Variants in PIEZO2 observed in about 807,000 individuals in gnomAD.
The protein encoded by PIEZO2 is piezo type mechanosensitive ion channel component 2.
PIEZO2 carries 172 observed loss-of-function variants against 337.3 expected under a neutral mutation model. The observed-to-expected ratio is 0.51, with a 90% confidence interval of 0.45 to 0.58. The LOEUF is 0.58. Ranked by LOEUF, PIEZO2 falls within the 20% of genes least tolerant of loss-of-function variation. PIEZO2 has a pLI of 0.00. For synonymous variants in PIEZO2, 1,251 were observed against 1,228.5 expected, an observed-to-expected ratio of 1.02 and a Z score of -0.38; for missense variants, 3,028 against 3,391.3, an observed-to-expected ratio of 0.89 and a Z score of 2.66.
intron 47 of PIEZO2, among the ~76,000 whole-genome samples, chr18:10,694,449 T>C (rs2034995578): frequency 6.6e-6 from 1 of 152,226 alleles, no homozygotes; most frequent in African/African-American, 2.4e-5. Flanking sequence ...TCATAAGACT[T>C]GGCTACAAAT....
Position 10,758,062 on chromosome 18 carries a change from C to A in PIEZO2, c.3830G>T (p.Arg1277Leu), listed in dbSNP as rs775635798. The change falls in exon 27 of 56, where the codon CGA becomes CTA. Residue 1277 changes from arginine (R) to leucine (L), a missense_variant. Arg to Leu is a moderately radical substitution (Grantham distance 102). Coordinates refer to ENST00000674853, the MANE Select transcript of PIEZO2 (RefSeq NM_001378183.1). ...CTCGACATTGTCACCTGCCATGATT[C>A]GCACTGCAGCCTTGTTCTCATCCTC... Reference protein sequence around the residue: ...IFEDENKAAVRIMAGDNVEIC... With the variant: ...IFEDENKAAVLIMAGDNVEIC... The A allele has an allele frequency of 2.6e-6, 4 of 1,537,358 alleles. No homozygotes were observed. Among genetic ancestry groups the A allele is most frequent in the African/African-American group, 2.7e-5 (2 of 73,014 alleles).
chr18:10,962,586 G>T lies in PIEZO2; in HGVS notation c.286+16949C>A, dbSNP rs1372609311. On this transcript the variant is annotated intron_variant, in intron 3 of 55. Coordinates refer to ENST00000674853, the MANE Select transcript of PIEZO2 (RefSeq NM_001378183.1). This position sits in a 1 kb window ranked among gnomAD's most constrained non-coding sequence, Gnocchi z 4.1. ...TTTATTTCATGTTGCTCTAGACCAG[G>T]CATTTTTGCCTCATTCAGCTGTGCT... Among the ~76,000 whole-genome samples the T allele has an allele frequency of 2.0e-5, 3 of 152,252 alleles. No individual in the cohort carries two copies. The highest frequency in any genetic ancestry group is 2.1e-4 in the South Asian group (1 of 4,820).
At position 11,027,632 on chromosome 18, in the gene PIEZO2, G is replaced by A. The variant is rs1038541132; in HGVS notation, c.160+38495C>T. On this transcript the variant is annotated intron_variant, in intron 2 of 55. Transcript: ENST00000674853. This position sits in a 1 kb window ranked among gnomAD's most constrained non-coding sequence, Gnocchi z 4.2. ...TTTAAATAACTGTCTTAGGTAACTG[G>A]GTTGATGAACAAATGGGAGTTCGGT... is the stretch of plus-strand genomic sequence containing the variant. 2.0e-5 allele frequency among the ~76,000 whole-genome samples: 3 copies of A among 152,100 alleles called. No individual in the cohort carries two copies. The highest frequency in any genetic ancestry group is 2.0e-4 in the Admixed American group (3 of 15,268).
intron 3 of PIEZO2, among the ~76,000 whole-genome samples, chr18:10,938,209 C>T (rs542813164): frequency 6.6e-6 from 1 of 152,288 alleles, no homozygotes; most frequent in South Asian, 2.1e-4. Flanking sequence ...GGGACTGAGG[C>T]CATTGGTCTT....
chr18:10,930,760 A>T (rs1012911850), intron 3 of PIEZO2, among the ~76,000 whole-genome samples: 2 of 152,232 alleles, frequency 1.3e-5, no homozygotes, highest in East Asian at 3.8e-4. Context: ...CTTGTCAAAA[A>T]CAAAGACATA....
rs906800389 is a variant in PIEZO2 at position 11,146,536 on chromosome 18, G to T, written c.64+1989C>A. 1.3e-5 allele frequency among the ~76,000 whole-genome samples: 2 copies of T among 152,226 alleles called. No individual in the cohort carries two copies. Among genetic ancestry groups the T allele is most frequent in the Non-Finnish European group, 2.9e-5 (2 of 68,038 alleles). On this transcript the variant is annotated intron_variant, in intron 1 of 55. Transcript: ENST00000674853. The surrounding 1 kb of genome is among the most constrained non-coding windows in gnomAD (Gnocchi z 6.1). ...TGAACCAGGCCAGCTCCCCTTGGGA[G>T]GGCAGAGTACTACAGCCCTACTGAA...
chr18:11,028,443 T>C lies in PIEZO2; in HGVS notation c.160+37684A>G, dbSNP rs913845439. ...ACCTGGGTAATTTTTGTATTTTTAGTAGAGACAGGGTTTCACCATGCTGGC... is the reference window on the plus strand; with the variant it reads ...ACCTGGGTAATTTTTGTATTTTTAGCAGAGACAGGGTTTCACCATGCTGGC... On this transcript the variant is annotated intron_variant, in intron 2 of 55. Coordinates refer to ENST00000674853, the MANE Select transcript of PIEZO2 (RefSeq NM_001378183.1). The surrounding 1 kb of genome is among the most constrained non-coding windows in gnomAD (Gnocchi z 4.8). 6.6e-6 allele frequency among the ~76,000 whole-genome samples: 1 copy of C among 152,182 alleles called. No individual in the cohort carries two copies. The highest frequency in any genetic ancestry group is 3.4e-3 in the Middle Eastern group (1 of 294).
At position 11,016,353 on chromosome 18, in the gene PIEZO2, A is replaced by T. The variant is rs1045842644; in HGVS notation, c.161-36693T>A. 4.3e-4 allele frequency among the ~76,000 whole-genome samples: 66 copies of T among 152,210 alleles called. No individual in the cohort carries two copies. The highest frequency in any genetic ancestry group is 1.6e-3 in the African/African-American group (66 of 41,452). On this transcript the variant is annotated intron_variant, in intron 2 of 55. Coordinates refer to ENST00000674853, the MANE Select transcript of PIEZO2 (RefSeq NM_001378183.1). The surrounding 1 kb of genome is among the most constrained non-coding windows in gnomAD (Gnocchi z 5.6). ...AGAGCGAAAAAACAGGCACAGAGCA[A>T]GGACACAAGGCAACATCCAGAGGCA...
intron 30 of PIEZO2, among the ~76,000 whole-genome samples, chr18:10,747,872 A>T (rs1201248618): frequency 6.6e-6 from 1 of 152,168 alleles, no homozygotes; most frequent in Non-Finnish European, 1.5e-5. Context: ...ATCTGATGGG[A>T]CCTAGGCAAG....
intron 3 of PIEZO2, among the ~76,000 whole-genome samples, chr18:10,919,751 T>C (rs1298072664): frequency 6.6e-6 from 1 of 152,160 alleles, no homozygotes; most frequent in Non-Finnish European, 1.5e-5. Flanking sequence ...AGATAATCCT[T>C]GACTACAAGA....
intron 13 of PIEZO2, among the ~76,000 whole-genome samples, chr18:10,793,151 C>T (rs977869907): frequency 2.0e-5 from 3 of 152,072 alleles, no homozygotes; most frequent in South Asian, 2.1e-4. Flanking sequence ...CCCAGCTACT[C>T]GGGAGGCTGA....
At position 11,070,511 on chromosome 18, in the gene PIEZO2, G is replaced by T. The variant is rs2038302397; in HGVS notation, c.65-4289C>A. On this transcript the variant is annotated intron_variant, in intron 1 of 55. Coordinates refer to ENST00000674853, the MANE Select transcript of PIEZO2 (RefSeq NM_001378183.1). This position sits in a 1 kb window ranked among gnomAD's most constrained non-coding sequence, Gnocchi z 4.3. ...TGAGAGGGGGCAAGCAAACTGGCAGGTAGGAAAGAAAAAAGCAGCAGAAAA... is the reference window on the plus strand; with the variant it reads ...TGAGAGGGGGCAAGCAAACTGGCAGTTAGGAAAGAAAAAAGCAGCAGAAAA... Among the ~76,000 whole-genome samples the T allele has an allele frequency of 6.6e-6, 1 of 152,194 alleles. No homozygotes were observed. The highest frequency in any genetic ancestry group is 1.5e-5 in the Non-Finnish European group (1 of 68,044).
intron 3 of PIEZO2, among the ~76,000 whole-genome samples, chr18:10,924,315 C>T (rs575111575): frequency 6.6e-6 from 1 of 152,188 alleles, no homozygotes; most frequent in African/African-American, 2.4e-5. Context: ...TGTCTGTTTG[C>T]CAAAATTCCC....
rs569875847 is a variant in PIEZO2, at chr18:10,872,869, T to G, written c.330-1454A>C. ...GAGTTTAAAATAGGGAGGATACAGG[T>G]AGAGGAGTCAAGAGTCTGTACCAGC... On this transcript the variant is annotated intron_variant, in intron 4 of 55. Coordinates refer to ENST00000674853, the MANE Select transcript of PIEZO2 (RefSeq NM_001378183.1). The surrounding 1 kb of genome is among the most constrained non-coding windows in gnomAD (Gnocchi z 4.3). 6.6e-6 allele frequency among the ~76,000 whole-genome samples: 1 copy of G among 152,190 alleles called. No homozygotes were observed. The highest frequency in any genetic ancestry group is 1.5e-5 in the Non-Finnish European group (1 of 67,994).
chr18:11,109,408 C>A lies in PIEZO2; in HGVS notation c.64+39117G>T, dbSNP rs748017334. On this transcript the variant is annotated intron_variant, in intron 1 of 55. Transcript: ENST00000674853. The surrounding 1 kb of genome is among the most constrained non-coding windows in gnomAD (Gnocchi z 5.1). The stretch of plus-strand genomic sequence containing the variant: ...CAGGTGGGAGCTGGGGGGTGTAGCT[C>A]TGATTTCAGTATGGAATTAGAAATA... Among the ~76,000 whole-genome samples, 1 of 152,084 alleles carries A rather than the reference C, an allele frequency of 6.6e-6. No homozygotes were observed. The highest frequency in any genetic ancestry group is 1.5e-5 in the Non-Finnish European group (1 of 68,010).
intron 2 of PIEZO2, among the ~76,000 whole-genome samples, chr18:11,000,015 A>C (rs2035473197): frequency 6.6e-6 from 1 of 152,218 alleles, no homozygotes; most frequent in African/African-American, 2.4e-5. Context: ...AACTAATACA[A>C]ATGAAGAGAA....
intron 49 of PIEZO2, among the ~76,000 whole-genome samples, chr18:10,685,535 T>C (rs573144775): frequency 1.6e-4 from 25 of 152,294 alleles, no homozygotes; most frequent in Admixed American, 7.2e-4. Context: ...CCTTCCCTCA[T>C]TGGGAGGCGG....
rs118075796 is a variant in PIEZO2 at position 10,844,436 on chromosome 18, A to C, written c.917+10917T>G. ...CTGTCTCAAAAGATAAAATAAAATA[A>C]AATAAAATAAAAATAAAGGTGGCTT... On this transcript the variant is annotated intron_variant, in intron 7 of 55. Coordinates refer to ENST00000674853, the MANE Select transcript of PIEZO2 (RefSeq NM_001378183.1). Among the ~76,000 whole-genome samples the C allele has an allele frequency of 7.4e-3, 1,122 of 151,780 alleles. 7 individuals are homozygous for C. Among genetic ancestry groups the C allele is most frequent in the Non-Finnish European group, 9.9e-3 (673 of 67,936 alleles).
At chr18:11,000,067 A>G (rs2035475110) in intron 2 of PIEZO2, among the ~76,000 whole-genome samples, 1 of 152,232 alleles carries the variant, frequency 6.6e-6, no homozygotes, top group Non-Finnish European at 1.5e-5. Context: ...AATCTCATTC[A>G]AGCACTCTTC....
Sources: gnomAD v4.1 joint callset for allele counts (sites outside exome capture counted in the v4.1 genomes callset) on GRCh38, gnomAD v4.1.1 for gene constraint, Gnocchi (gnomAD v3.1) non-coding constraint, MANE v1.5 for transcripts, NCBI Gene and HGNC (gene_info 2026-07-23, HGNC 2026-07-21) for gene names.